Variants in LIPA observed in about 807,000 individuals in gnomAD.
LIPA encodes lysosomal acid lipase/cholesteryl ester hydrolase.
LIPA carries 26 observed loss-of-function variants against 40.6 expected under a neutral mutation model. The observed-to-expected ratio is 0.64, with a 90% CI of 0.47 to 0.89. The LOEUF is 0.89. Ranked by LOEUF, LIPA falls within the 40% of genes least tolerant of loss-of-function variation. The probability of loss-of-function intolerance (pLI) is 0.00; values close to 1 mark genes in which losing one functional copy is unlikely to be tolerated. For synonymous variants in LIPA, 188 were observed against 168.4 expected (o/e 1.12, Z -0.90); for missense variants, 455 against 479.6 (o/e 0.95, Z 0.48).
In LIPA at chr10:89,339,252, C is replaced by T. The variant is rs1182418898; in HGVS notation, c.-2+3359G>A. ...TCTCTACTGATGTTTTGAAGCAGGC[C>T]ATTGAGCTGAGTCCTGATAACCAAT... On this transcript the variant is annotated intron_variant, in intron 1 of 5. Transcript: ENST00000282673. The T allele has an allele frequency of 1.9e-6, 3 of 1,614,182 alleles. No individual in the cohort carries two copies. The East Asian group carries it at 6.7e-5, about 36-fold the overall frequency.
At chr10:89,281,169 C>A (rs1449793821) in intron 1 of LIPA, among the ~76,000 whole-genome samples, 2 of 152,192 alleles carry the variant, frequency 1.3e-5, no homozygotes, top group Non-Finnish European at 2.9e-5. Flanking sequence ...TTAGTCAGAG[C>A]CCTCTTCTTG....
intron 1 of LIPA, among the ~76,000 whole-genome samples, chr10:89,268,082 C>T (rs939813294): frequency 1.3e-5 from 2 of 152,148 alleles, no homozygotes; most frequent in African/African-American, 4.8e-5. Flanking sequence ...ATGTGTGCCC[C>T]AATACTCAAT....
At position 89,376,340 on chromosome 10, in the gene LIPA, G is replaced by T. The variant is rs181216094; in HGVS notation, c.61+36451C>A. 1.2e-3 allele frequency among the ~76,000 whole-genome samples: 187 copies of T among 152,194 alleles called. 1 individual carries two copies. The highest frequency in any genetic ancestry group is 1.9e-3 in the South Asian group (9 of 4,818). ...TGGAGATGGGTTTTTAATTCACATA[G>T]AGAGAGAGATTATATACTATACTCT... On this transcript the variant is annotated intron_variant, in intron 2 of 8. Coordinates refer to the LIPA transcript ENST00000371837.
intron 1 of LIPA, among the ~76,000 whole-genome samples, chr10:89,248,087 G>A (rs1290584556): frequency 6.6e-6 from 1 of 151,316 alleles, no homozygotes; most frequent in African/African-American, 2.4e-5. Flanking sequence ...GGCTGGTCTC[G>A]AACTCCTGGC....
At chr10:89,216,422 T>C (rs975129304) in intron 8 of LIPA, among the ~76,000 whole-genome samples, 4 of 149,686 alleles carry the variant, frequency 2.7e-5, no homozygotes, top group Non-Finnish European at 5.9e-5. Flanking sequence ...TATATATATA[T>C]ATAATAGAGA....
intron 1 of LIPA, among the ~76,000 whole-genome samples, chr10:89,330,490 A>G (rs1410647111): frequency 6.6e-6 from 1 of 152,206 alleles, no homozygotes; most frequent in South Asian, 2.1e-4. Flanking sequence ...CTATCTGGAG[A>G]GTAAGGGCCA....
At chr10:89,330,271 C>T (rs1417390604) in intron 1 of LIPA, among the ~76,000 whole-genome samples, 2 of 152,146 alleles carry the variant, frequency 1.3e-5, no homozygotes, top group Admixed American at 1.3e-4. Context: ...TATTATTAGC[C>T]TCATTTTCTA....
chr10:89,402,627 C>G, intron 2 of LIPA: 3 of 1,614,212 alleles, frequency 1.9e-6, no homozygotes, highest in Non-Finnish European at 2.5e-6. Flanking sequence ...CCAGACTTAC[C>G]TGGACAAGGT....
intron 2 of LIPA, chr10:89,384,467 G>T: frequency 6.2e-7 from 1 of 1,614,122 alleles, no homozygotes. Context: ...TACCACTACG[G>T]CCGTTTCCAA....
At chr10:89,235,659 A>G (rs1842896265) in intron 3 of LIPA, among the ~76,000 whole-genome samples, 1 of 152,020 alleles carries the variant, frequency 6.6e-6, no homozygotes, top group Admixed American at 6.5e-5. Flanking sequence ...TCCGGACAGG[A>G]CTCCGTCACA....
intron 2 of LIPA, chr10:89,403,632 A>T (rs993128904): frequency 1.9e-6 from 3 of 1,614,108 alleles, no homozygotes; most frequent in Non-Finnish European, 2.5e-6. Context: ...GGAAGGAAAT[A>T]TGAATGAAGC....
At chr10:89,233,771 CAGG>C (rs1349820956) in intron 3 of LIPA, among the ~76,000 whole-genome samples, 2 of 152,142 alleles carry the variant, frequency 1.3e-5, no homozygotes, top group African/African-American at 4.8e-5. Context: ...GAGGCTGAGG[CAGG>C]AGAATTGTTT....
intron 3 of LIPA, among the ~76,000 whole-genome samples, chr10:89,228,800 T>G (rs1161590364): frequency 1.3e-5 from 2 of 152,174 alleles, no homozygotes; most frequent in Non-Finnish European, 2.9e-5. Flanking sequence ...TCACACATAA[T>G]GAGACATCAC....
intron 2 of LIPA, chr10:89,405,779 T>C (rs1844520014): frequency 6.6e-6 from 1 of 152,190 alleles, no homozygotes; most frequent in Non-Finnish European, 1.5e-5. Flanking sequence ...ACCTGCATAA[T>C]CCAGAATAAT....
At chr10:89,228,984 C>G (rs1160204955) in intron 3 of LIPA, among the ~76,000 whole-genome samples, 1 of 152,214 alleles carries the variant, frequency 6.6e-6, no homozygotes, top group East Asian at 1.9e-4. Context: ...ACCATATAAT[C>G]CAGCAATCAC....
intron 1 of LIPA, among the ~76,000 whole-genome samples, chr10:89,284,737 C>A (rs571517864): frequency 6.6e-6 from 1 of 152,304 alleles, no homozygotes; most frequent in African/African-American, 2.4e-5. Flanking sequence ...CCTCTGAGCC[C>A]AAGCTAAGCC....
chr10:89,290,908 A>G (rs989226048), intron 1 of LIPA, among the ~76,000 whole-genome samples: 1 of 152,208 alleles, frequency 6.6e-6, no homozygotes, highest in Non-Finnish European at 1.5e-5. Flanking sequence ...ACTATATAAA[A>G]TAGATTTCTT....
intron 1 of LIPA, among the ~76,000 whole-genome samples, chr10:89,336,410 T>A (rs1843741371): frequency 6.6e-6 from 1 of 152,276 alleles, no homozygotes; most frequent in Non-Finnish European, 1.5e-5. Context: ...TGCCCTTGAG[T>A]TGATTCTGCA....
At position 89,332,453 on chromosome 10, in the gene LIPA, A is replaced by G. The variant is rs1261186705; in HGVS notation, c.-2+10158T>C. On this transcript the variant is annotated intron_variant, in intron 1 of 5. Transcript: ENST00000282673. ...GATTCTGTTTCAGTTTCCCCTCAAG[A>G]GGGATCTTGATAGGGTTCCATCAGT... 15 of 1,461,086 alleles carry G rather than the reference A, an allele frequency of 1.0e-5. 1 individual carries two copies. Among genetic ancestry groups the G allele is most frequent in the Middle Eastern group, 1.8e-4 (1 of 5,590 alleles). The allele number at this position is 1,461,086 out of a possible 1,614,324, so 90.5% of individuals were successfully genotyped here.
Sources: allele counts gnomAD v4.1 joint callset (sites outside exome capture counted in the v4.1 genomes callset), GRCh38; gene constraint gnomAD v4.1.1; transcripts MANE v1.5; gene names NCBI Gene and HGNC (gene_info 2026-07-23, HGNC 2026-07-21).